RBFOX1: variants seen among roughly 807,000 people sequenced by gnomAD.
RBFOX1 encodes the protein RNA binding fox-1 homolog 1, also known as RNA binding protein fox-1 homolog 1.
In RBFOX1, 8 loss-of-function variants were observed where a neutral mutation model predicts 57.7. That is an observed-to-expected ratio of 0.14 (90% CI 0.08 to 0.25). The LOEUF (loss-of-function observed/expected upper bound fraction) is 0.25. Among genes scored for constraint, RBFOX1 ranks in the 10% least tolerant of loss-of-function variants. The pLI is 1.00. For missense variants in RBFOX1, 611 were observed against 548.5 expected (o/e 1.11, Z -1.14); for synonymous variants, 326 against 222.4 (o/e 1.47, Z -4.15).
At chr16:7,273,045 C>CCCTTCCCTCCCT (rs1307570426) in intron 4 of RBFOX1, among the ~76,000 whole-genome samples, 3 of 120,264 alleles carry the variant, frequency 2.5e-5, no homozygotes, top group Non-Finnish European at 5.2e-5. Flanking sequence ...TCCTTCCCCT[C>CCCTTCCCTCCCT]CCTTCCCTCC....
In RBFOX1 at chr16:6,167,138, C is replaced by T. The variant is rs79538275; in HGVS notation, c.-127+147146C>T. Among the ~76,000 whole-genome samples the T allele has an allele frequency of 4.1e-4, 62 of 152,212 alleles. No homozygotes were observed. In the East Asian group the frequency reaches 8.1e-3, roughly 20 times the overall value. On this transcript the variant is annotated intron_variant, in intron 1 of 15. Coordinates refer to ENST00000550418, the MANE Select transcript of RBFOX1 (RefSeq NM_018723.4). Reference sequence around the variant, plus strand: ...GAGGGTATTTGCTGACGAATAGTGGCGTTGTGTTGCTAAAAGAAGGGCAAA... The same window carrying T: ...GAGGGTATTTGCTGACGAATAGTGGTGTTGTGTTGCTAAAAGAAGGGCAAA...
rs563948997 is a variant in RBFOX1, at chr16:5,877,487, C to G, written c.351+10152C>G. ...AAGCCTGGCTTCAGATGAGATGGGT[C>G]TTCCTTTCCCATTTACCCACATACA... On this transcript the variant is annotated intron_variant, in intron 4 of 19. Transcript: ENST00000641259. Among the ~76,000 whole-genome samples the G allele has an allele frequency of 1.5e-4, 23 of 152,346 alleles. No homozygotes were observed. The South Asian group carries it at 4.8e-3, about 32-fold the overall frequency.
Position 5,568,699 on chromosome 16 carries a change from ATTC to A in RBFOX1, c.259-30195_259-30193del, listed in dbSNP as rs564707624. 6.6e-5 allele frequency among the ~76,000 whole-genome samples: 10 copies of A among 152,270 alleles called. No individual in the cohort carries two copies. The South Asian group carries it at 1.5e-3, about 22-fold the overall frequency. ...AGCATGGGCTTTCTCTCTCATCCGT[ATTC>A]TTCTTCTGCTCTCAGATTTGCCCCA... is the stretch of plus-strand genomic sequence containing the variant. On this transcript the variant is annotated intron_variant, in intron 2 of 2. Transcript: ENST00000585867.
chr16:6,571,425 A>AT (rs2097343164), intron 2 of RBFOX1, among the ~76,000 whole-genome samples: 1 of 152,134 alleles, frequency 6.6e-6, no homozygotes, highest in Non-Finnish European at 1.5e-5. Context: ...TATGGCAGAG[A>AT]CCCAGTGCTC....
intron 1 of RBFOX1, among the ~76,000 whole-genome samples, chr16:6,185,318 C>G (rs1046266307): frequency 3.9e-5 from 6 of 152,214 alleles, no homozygotes; most frequent in African/African-American, 9.6e-5. Context: ...CTTCCATTCT[C>G]TCTTGAATTC....
intron 4 of RBFOX1, among the ~76,000 whole-genome samples, chr16:7,197,009 G>C (rs936914945): frequency 6.6e-6 from 1 of 152,196 alleles, no homozygotes; most frequent in Admixed American, 6.5e-5. Flanking sequence ...GAGTTTAAAA[G>C]ACTCCATTTC....
chr16:6,282,580 C>T (rs769114801), intron 1 of RBFOX1, among the ~76,000 whole-genome samples: 5 of 152,000 alleles, frequency 3.3e-5, no homozygotes, highest in African/African-American at 1.2e-4. Context: ...TATTCCCCTC[C>T]CTGTGTCCGT....
At chr16:5,806,471 A>G (rs1055101209) in intron 3 of RBFOX1, among the ~76,000 whole-genome samples, 14 of 152,338 alleles carry the variant, frequency 9.2e-5, no homozygotes, top group African/African-American at 2.9e-4. Context: ...CAAGGGATCA[A>G]TCTATTCATG....
chr16:5,678,794 T>C (rs1228161344), intron 3 of RBFOX1, among the ~76,000 whole-genome samples: 4 of 152,190 alleles, frequency 2.6e-5, no homozygotes, highest in African/African-American at 4.8e-5. Flanking sequence ...CTGCTAAAAT[T>C]CACTTTGAGT....
rs553520751 is a variant in RBFOX1, at chr16:6,753,600, C to T, written c.-16+98950C>T. 4.6e-5 allele frequency among the ~76,000 whole-genome samples: 7 copies of T among 152,272 alleles called. No individual in the cohort carries two copies. The South Asian group carries it at 1.5e-3, about 32-fold the overall frequency. ...GTGCAATTTCATCTCTTCATCAACT[C>T]CTGTAAGTAGAACCAGCAACAGAGC... On this transcript the variant is annotated intron_variant, in intron 3 of 15. Transcript: ENST00000550418.
chr16:5,503,675 C>G (rs550712891), intron 2 of RBFOX1, among the ~76,000 whole-genome samples: 1 of 152,092 alleles, frequency 6.6e-6, no homozygotes, highest in African/African-American at 2.4e-5. Flanking sequence ...AACTCCTGAC[C>G]TGAGGTGATC....
intron 6 of RBFOX1, among the ~76,000 whole-genome samples, chr16:7,584,344 G>A (rs1312314113): frequency 6.6e-6 from 1 of 152,158 alleles, no homozygotes; most frequent in East Asian, 1.9e-4. Context: ...CCAGGCTGGA[G>A]TGCAATGGCA....
At position 6,273,043 on chromosome 16, in the gene RBFOX1, C is replaced by T. The variant is rs531002918; in HGVS notation, c.-126-43952C>T. ...GGGAGGCTGAGGCAGGTGAGTCACC[C>T]GAGGTCAGGAGTTCAAGACCAGCCT... On this transcript the variant is annotated intron_variant, in intron 1 of 15. Transcript: ENST00000550418. Among the ~76,000 whole-genome samples the T allele has an allele frequency of 1.5e-4, 23 of 151,916 alleles. No homozygotes were observed. The East Asian group carries it at 2.2e-3, about 14-fold the overall frequency.
chr16:5,773,506 C>T (rs2054046452), intron 3 of RBFOX1, among the ~76,000 whole-genome samples: 1 of 152,208 alleles, frequency 6.6e-6, no homozygotes, highest in Admixed American at 6.5e-5. Flanking sequence ...TTTTTCATAA[C>T]ATGAACGTAC....
At position 5,701,917 on chromosome 16, in the gene RBFOX1, C is replaced by T. The variant is rs528959050; in HGVS notation, c.318+102956C>T. On this transcript the variant is annotated intron_variant, in intron 3 of 19. Coordinates refer to the RBFOX1 transcript ENST00000641259. ...CTAGTAGAGGTTTTGCTAAATTCTTCCACACAGTATAAACTCTAGGAGAAT... is the reference window on the plus strand; with the variant it reads ...CTAGTAGAGGTTTTGCTAAATTCTTTCACACAGTATAAACTCTAGGAGAAT... Among the ~76,000 whole-genome samples, 5 of 152,290 alleles carry T rather than the reference C, an allele frequency of 3.3e-5. No individual in the cohort carries two copies. In the East Asian group the frequency reaches 9.6e-4, roughly 29 times the overall value.
intron 1 of RBFOX1, among the ~76,000 whole-genome samples, chr16:5,465,948 G>A (rs1419811023): frequency 6.6e-6 from 1 of 152,148 alleles, no homozygotes; most frequent in African/African-American, 2.4e-5. Context: ...TAAGCTCCCA[G>A]GGGCACCTTG....
At chr16:5,374,831 C>G (rs1049935862) in intron 1 of RBFOX1, among the ~76,000 whole-genome samples, 1 of 151,222 alleles carries the variant, frequency 6.6e-6, no homozygotes, top group Non-Finnish European at 1.5e-5. Flanking sequence ...TTGAATTCTA[C>G]CAATAAAATG....
chr16:7,079,539 A>G (rs1390056137), intron 4 of RBFOX1, among the ~76,000 whole-genome samples: 1 of 152,174 alleles, frequency 6.6e-6, no homozygotes, highest in East Asian at 1.9e-4. Flanking sequence ...AAATTCTTGG[A>G]GTATTTAGAG....
rs150333776 is a variant in RBFOX1, at chr16:6,621,681, C to T, written c.-63-32922C>T. ...ATTACTGTATCAACCCCATTGCAAA[C>T]AGAGCAAACCCCAGAAATACTGGGC... is the stretch of plus-strand genomic sequence containing the variant. On this transcript the variant is annotated intron_variant, in intron 2 of 15. Coordinates refer to ENST00000550418, the MANE Select transcript of RBFOX1 (RefSeq NM_018723.4). Among the ~76,000 whole-genome samples, 17 of 152,278 alleles carry T rather than the reference C, an allele frequency of 1.1e-4. No individual in the cohort carries two copies. The East Asian group carries it at 3.3e-3, about 29-fold the overall frequency.
Sources: gnomAD v4.1 joint callset for allele counts (sites outside exome capture counted in the v4.1 genomes callset) on GRCh38, gnomAD v4.1.1 for gene constraint, MANE v1.5 for transcripts, NCBI Gene and HGNC (gene_info 2026-07-23, HGNC 2026-07-21) for gene names.